Variants in SYT16 observed in about 807,000 individuals in gnomAD.
SYT16 encodes the protein synaptotagmin-16.
A neutral mutation model predicts 61.4 loss-of-function variants in SYT16; 42 were observed. The ratio of observed to expected loss-of-function variants is 0.68; its 90% CI spans 0.53 to 0.89. The LOEUF is 0.89. Ranked by LOEUF, SYT16 falls within the 40% of genes least tolerant of loss-of-function variation. The probability of loss-of-function intolerance (pLI) is 0.00; values close to 1 mark genes in which losing one functional copy is unlikely to be tolerated. For synonymous variants in SYT16, 314 were observed against 302.3 expected (o/e 1.04, Z -0.40); for missense variants, 804 against 807.3 (o/e 1.00, Z 0.05).
chr14:61,956,944 TG>T (rs1180385361), intron 1 of SYT16, among the ~76,000 whole-genome samples: 1 of 151,958 alleles, frequency 6.6e-6, no homozygotes, highest in Non-Finnish European at 1.5e-5. Context: ...TTCATGATCA[TG>T]GGATGTCTTT....
In SYT16 at chr14:61,830,042, T is replaced by C. The variant is rs183648278; in HGVS notation, c.-325+17232T>C. Among the ~76,000 whole-genome samples the C allele has an allele frequency of 8.2e-3, 1,253 of 152,318 alleles. 8 individuals carry two copies. Among genetic ancestry groups the C allele is most frequent in the Middle Eastern group, 0.031 (9 of 294 alleles). On this transcript the variant is annotated intron_variant, in intron 1 of 7. Transcript: ENST00000683842. ...CCAGCTAGTGAGTTAAAAAAAAAAT[T>C]AAGTTATTGTATTTTTCAGTTCTAT...
At chr14:61,973,763 C>G (rs1182727133) in intron 2 of SYT16, among the ~76,000 whole-genome samples, 2 of 151,922 alleles carry the variant, frequency 1.3e-5, no homozygotes, top group Non-Finnish European at 2.9e-5. Flanking sequence ...AAAGCATAGA[C>G]AATGTGACAT....
At chr14:61,978,928 A>G (rs1217006997) in intron 2 of SYT16, among the ~76,000 whole-genome samples, 7 of 152,354 alleles carry the variant, frequency 4.6e-5, no homozygotes, top group Admixed American at 4.6e-4. Flanking sequence ...ATTATTCAAG[A>G]TTGTCAAATT....
intron 4 of SYT16, among the ~76,000 whole-genome samples, chr14:62,073,058 C>T (rs1284833763): frequency 1.3e-5 from 2 of 152,132 alleles, no homozygotes; most frequent in Admixed American, 1.3e-4. Context: ...AATCACCTTT[C>T]CCTTTCCTCC....
rs546644302 is a variant in SYT16 at position 61,900,193 on chromosome 14, C to T, written c.-324-69939C>T. ...TTTTTTTTTGAGATGGAGTCTCACT[C>T]TGTTGTCCAGGCTGAAATGCAGTGG... On this transcript the variant is annotated intron_variant, in intron 1 of 7. Transcript: ENST00000683842. Among the ~76,000 whole-genome samples the T allele has an allele frequency of 2.9e-5, 4 of 139,550 alleles. No individual in the cohort carries two copies. The South Asian group carries it at 6.8e-4, about 24-fold the overall frequency. The allele number at this position is 139,550 out of a possible 152,430, so 91.6% of individuals were successfully genotyped here.
At chr14:61,876,463 G>A (rs532070154) in intron 1 of SYT16, among the ~76,000 whole-genome samples, 1 of 152,200 alleles carries the variant, frequency 6.6e-6, no homozygotes, top group African/African-American at 2.4e-5. Context: ...ACTTGTGTTC[G>A]GATGGGAGGT....
chr14:61,984,109 T>C (rs2052202329), intron 2 of SYT16, among the ~76,000 whole-genome samples: 1 of 152,204 alleles, frequency 6.6e-6, no homozygotes, highest in Non-Finnish European at 1.5e-5. Context: ...CCTTGACTGT[T>C]TAACAGAAAG....
At chr14:61,950,335 A>T (rs943384374) in intron 1 of SYT16, among the ~76,000 whole-genome samples, 11 of 152,040 alleles carry the variant, frequency 7.2e-5, no homozygotes, top group African/African-American at 2.7e-4. Flanking sequence ...ACTCTTTTAG[A>T]TGGGCCTGTA....
Position 61,887,189 on chromosome 14 carries a change from T to A in SYT16, c.-325+74379T>A, listed in dbSNP as rs118066370. Among the ~76,000 whole-genome samples the A allele has an allele frequency of 3.2e-4, 48 of 152,338 alleles. No homozygotes were observed. In the East Asian group the frequency reaches 7.5e-3, roughly 24 times the overall value. ...AGAGCTCTTGGGTGACAAGGTGTAC[T>A]ATCAGTGAGCAGTAATATTTTGAAA... is the stretch of plus-strand genomic sequence containing the variant. On this transcript the variant is annotated intron_variant, in intron 1 of 7. Transcript: ENST00000683842.
At chr14:61,898,327 C>T (rs1054236450) in intron 1 of SYT16, among the ~76,000 whole-genome samples, 23 of 152,266 alleles carry the variant, frequency 1.5e-4, no homozygotes, top group African/African-American at 4.8e-4. Flanking sequence ...GAGAGGTAGA[C>T]GAGGCATGCA....
At chr14:62,074,767 C>T (rs982935137) in intron 4 of SYT16, among the ~76,000 whole-genome samples, 10 of 152,056 alleles carry the variant, frequency 6.6e-5, no homozygotes, top group African/African-American at 2.2e-4. Flanking sequence ...ATGGTAGAGT[C>T]GGGAGACCAT....
At chr14:62,056,464 C>T (rs892500260) in intron 3 of SYT16, among the ~76,000 whole-genome samples, 10 of 152,306 alleles carry the variant, frequency 6.6e-5, no homozygotes, top group Non-Finnish European at 1.0e-4. Flanking sequence ...TAAATTTCTA[C>T]AGGAAAGGGG....
intron 1 of SYT16, among the ~76,000 whole-genome samples, chr14:61,875,724 C>T (rs1377543826): frequency 6.6e-6 from 1 of 152,202 alleles, no homozygotes. Flanking sequence ...GATGGCACCC[C>T]AGGTGCCATT....
Position 61,817,349 on chromosome 14 carries a change from T to C in SYT16, c.-325+4539T>C, listed in dbSNP as rs138037196. Among the ~76,000 whole-genome samples the C allele has an allele frequency of 6.8e-3, 994 of 147,042 alleles. 14 individuals are homozygous for C. The highest frequency in any genetic ancestry group is 0.024 in the African/African-American group (959 of 39,538). ...AGGAGAATCTCTTGAACCCAGAAGG[T>C]AGAGGTTGCAGTGAGCTGAGATCAC... is the stretch of plus-strand genomic sequence containing the variant. On this transcript the variant is annotated intron_variant, in intron 1 of 7. Coordinates refer to ENST00000683842, the MANE Select transcript of SYT16 (RefSeq NM_001367656.1).
At position 61,867,813 on chromosome 14, in the gene SYT16, C is replaced by G. The variant is rs1353689990; in HGVS notation, c.-325+55003C>G. Among the ~76,000 whole-genome samples, 3 of 151,906 alleles carry G rather than the reference C, an allele frequency of 2.0e-5. No homozygotes were observed. In the East Asian group the frequency reaches 5.8e-4, roughly 29 times the overall value. Reference sequence around the variant, plus strand: ...TGCTTGTAGATTTTTCAAAGATGCTCTTTATGAAGTTGAGGCAGTTTCCTT... The same window carrying G: ...TGCTTGTAGATTTTTCAAAGATGCTGTTTATGAAGTTGAGGCAGTTTCCTT... On this transcript the variant is annotated intron_variant, in intron 1 of 7. Transcript: ENST00000683842.
At chr14:62,052,907 A>G (rs1024399223) in intron 3 of SYT16, among the ~76,000 whole-genome samples, 1 of 152,196 alleles carries the variant, frequency 6.6e-6, no homozygotes, top group South Asian at 2.1e-4. Context: ...CTGTTTATAA[A>G]TCTTTCAGTC....
intron 3 of SYT16, among the ~76,000 whole-genome samples, chr14:62,029,797 T>G (rs1469704070): frequency 6.6e-6 from 1 of 151,550 alleles, no homozygotes; most frequent in Non-Finnish European, 1.5e-5. Flanking sequence ...AAAAAAGTAG[T>G]AGGAGGAGAT....
At chr14:61,980,446 A>G (rs1017341008) in intron 2 of SYT16, among the ~76,000 whole-genome samples, 1 of 152,202 alleles carries the variant, frequency 6.6e-6, no homozygotes, top group East Asian at 1.9e-4. Flanking sequence ...CTAAGGCACA[A>G]ATAATTGAGA....
intron 3 of SYT16, among the ~76,000 whole-genome samples, chr14:62,062,511 G>C (rs1234659412): frequency 6.6e-6 from 1 of 152,042 alleles, no homozygotes; most frequent in Non-Finnish European, 1.5e-5. Flanking sequence ...GCTCCTTTGG[G>C]GAACCTTAGA....
Sources: allele counts gnomAD v4.1 joint callset (sites outside exome capture counted in the v4.1 genomes callset), GRCh38; gene constraint gnomAD v4.1.1; transcripts MANE v1.5; gene names NCBI Gene and HGNC (gene_info 2026-07-23, HGNC 2026-07-21).